The following FSIP1 variants were observed in gnomAD, a reference collection of about 807,000 sequenced individuals.
FSIP1 encodes fibrous sheath interacting protein 1.
A neutral mutation model predicts 60.9 loss-of-function variants in FSIP1; 65 were observed. The observed-to-expected ratio is 1.07, with a 90% CI of 0.87 to 1.31. The LOEUF (loss-of-function observed/expected upper bound fraction) is 1.31, where lower values mean the gene tolerates loss of function less well. Among genes scored for constraint, FSIP1 ranks in the 40% most tolerant of loss-of-function variants. The pLI, the probability that FSIP1 is intolerant of heterozygous loss-of-function variation, is 0.00. For missense variants in FSIP1, 675 were observed against 665.5 expected (o/e 1.01, Z -0.16); for synonymous variants, 209 against 221.2 (o/e 0.94, Z 0.49).
chr15:39,641,153 A>G (rs1566864724), intron 10 of FSIP1, among the ~76,000 whole-genome samples: 1 of 152,234 alleles, frequency 6.6e-6, no homozygotes, highest in Non-Finnish European at 1.5e-5. Context: ...TCAAATAGCC[A>G]TAGAAGGGAA....
At chr15:39,615,401 A>G (rs1268028718) in intron 11 of FSIP1, among the ~76,000 whole-genome samples, 2 of 151,100 alleles carry the variant, frequency 1.3e-5, no homozygotes, top group Non-Finnish European at 2.9e-5. Context: ...AAGGAACTCA[A>G]ACAACTCAAT....
chr15:39,774,408 G>A (rs1011203047), intron 2 of FSIP1, among the ~76,000 whole-genome samples: 1 of 151,806 alleles, frequency 6.6e-6, no homozygotes, highest in African/African-American at 2.4e-5. Flanking sequence ...TTGAACCCAG[G>A]AGGCAGAGGT....
intron 5 of FSIP1, among the ~76,000 whole-genome samples, chr15:39,747,944 C>A (rs570396058): frequency 7.5e-4 from 114 of 151,916 alleles, no homozygotes; most frequent in Middle Eastern, 6.8e-3. Flanking sequence ...ATTCCTATTC[C>A]CTATCTCCAC....
At chr15:39,676,661 T>C (rs1002635828) in intron 10 of FSIP1, among the ~76,000 whole-genome samples, 3 of 152,224 alleles carry the variant, frequency 2.0e-5, no homozygotes, top group African/African-American at 7.2e-5. Context: ...CTGTCTTTAA[T>C]AGCCAGATAT....
chr15:39,601,265 T>C (rs1445525761), intron 11 of FSIP1, among the ~76,000 whole-genome samples: 2 of 152,214 alleles, frequency 1.3e-5, no homozygotes, highest in Non-Finnish European at 2.9e-5. Flanking sequence ...GTAAATGTTA[T>C]ATGTAGAATA....
chr15:39,720,687 G>A (rs1453473721), intron 9 of FSIP1, among the ~76,000 whole-genome samples: 4 of 152,182 alleles, frequency 2.6e-5, no homozygotes, highest in Non-Finnish European at 5.9e-5. Flanking sequence ...GAGAGAACTG[G>A]AATCTGATAC....
chr15:39,698,755 C>T (rs1205903496), intron 10 of FSIP1, among the ~76,000 whole-genome samples: 1 of 152,190 alleles, frequency 6.6e-6, no homozygotes, highest in Non-Finnish European at 1.5e-5. Context: ...TAAAGTGCCA[C>T]CACAATTCCC....
At chr15:39,678,183 T>A (rs1366400466) in intron 10 of FSIP1, among the ~76,000 whole-genome samples, 1 of 152,024 alleles carries the variant, frequency 6.6e-6, no homozygotes, top group Non-Finnish European at 1.5e-5. Flanking sequence ...GTTAACATAT[T>A]TTGCTAATAA....
At chr15:39,634,724 A>G (rs936134017) in intron 10 of FSIP1, among the ~76,000 whole-genome samples, 3 of 152,232 alleles carry the variant, frequency 2.0e-5, no homozygotes, top group African/African-American at 7.2e-5. Flanking sequence ...AAACACAGTG[A>G]TCATTACTGT....
intron 10 of FSIP1, among the ~76,000 whole-genome samples, chr15:39,700,069 G>A (rs1894994196): frequency 1.3e-5 from 2 of 152,174 alleles, no homozygotes; most frequent in South Asian, 4.1e-4. Flanking sequence ...TTTCTAAAAT[G>A]TCATATATCT....
intron 11 of FSIP1, among the ~76,000 whole-genome samples, chr15:39,615,566 A>G (rs7177324): frequency 0.22 from 33,354 of 151,796 alleles, 4,796 homozygotes; most frequent in African/African-American, 0.4. Flanking sequence ...GAGATGCTAC[A>G]TCACACCTGT....
In FSIP1 at chr15:39,739,537, T is replaced by C. The variant is rs572940367; in HGVS notation, c.780+128A>G. 1,727 of 825,206 alleles carry C rather than the reference T, an allele frequency of 2.1e-3. 14 individuals are homozygous for C. The highest frequency in any genetic ancestry group is 0.011 in the South Asian group (640 of 56,536). 51.1% of individuals were successfully genotyped at this position (825,206 alleles called of 1,614,324 possible). A position where few individuals can be genotyped will look rare whatever the true frequency, so the allele number is the denominator to read the frequency against. On this transcript the variant is annotated intron_variant, in intron 7 of 11. Transcript: ENST00000350221. ...TTCATAAAAGTTTTCTTTCATTATA[T>C]CTACTAATTCAATCATTTATACATT...
At position 39,623,790 on chromosome 15, in the gene FSIP1, A is replaced by G. The variant is rs145354720; in HGVS notation, c.1189-5545T>C. On this transcript the variant is annotated intron_variant, in intron 10 of 11. Transcript: ENST00000350221. ...CAGAGTCTAGAGCTGAGAAACCACC[A>G]GGCACCAGTCATGTGCCCCATCTGT... 8.1e-3 allele frequency among the ~76,000 whole-genome samples: 1,239 copies of G among 152,308 alleles called. 11 individuals carry two copies. The highest frequency in any genetic ancestry group is 0.028 in the African/African-American group (1,153 of 41,568).
chr15:39,722,582 A>C (rs1468903040), intron 9 of FSIP1, among the ~76,000 whole-genome samples: 1 of 151,444 alleles, frequency 6.6e-6, no homozygotes, highest in Non-Finnish European at 1.5e-5. Context: ...CCTGCCCCTC[A>C]CTTATGGAAA....
chr15:39,602,793 C>T (rs1430302321), intron 11 of FSIP1, among the ~76,000 whole-genome samples: 1 of 152,174 alleles, frequency 6.6e-6, no homozygotes, highest in African/African-American at 2.4e-5. Context: ...CCTCCCATCC[C>T]TCTATAGTGT....
At chr15:39,658,530 G>A (rs1234780795) in intron 10 of FSIP1, among the ~76,000 whole-genome samples, 3 of 152,208 alleles carry the variant, frequency 2.0e-5, no homozygotes, top group South Asian at 2.1e-4. Context: ...GATTACAGGC[G>A]TGAGCCACCG....
chr15:39,696,264 T>C (rs923484090), intron 10 of FSIP1, among the ~76,000 whole-genome samples: 3 of 152,134 alleles, frequency 2.0e-5, no homozygotes, highest in African/African-American at 7.2e-5. Context: ...ATGTTTTAAA[T>C]ATATAAAGAC....
chr15:39,640,690 C>T (rs1264860060), intron 10 of FSIP1, among the ~76,000 whole-genome samples: 1 of 149,440 alleles, frequency 6.7e-6, no homozygotes, highest in African/African-American at 2.5e-5. Flanking sequence ...TTCACAAAGA[C>T]TCCAGTGCAA....
intron 10 of FSIP1, among the ~76,000 whole-genome samples, chr15:39,632,014 C>T (rs1891912096): frequency 6.6e-6 from 1 of 152,128 alleles, no homozygotes; most frequent in African/African-American, 2.4e-5. Flanking sequence ...GATGGTGGTG[C>T]TGAGTCACTT....
Sources: gnomAD v4.1 joint callset for allele counts (sites outside exome capture counted in the v4.1 genomes callset) on GRCh38, gnomAD v4.1.1 for gene constraint, MANE v1.5 for transcripts, NCBI Gene and HGNC (gene_info 2026-07-23, HGNC 2026-07-21) for gene names.